MBD5: variants seen among roughly 807,000 people sequenced by gnomAD.
MBD5 encodes methyl-CpG binding domain protein 5, also known as methyl-CpG-binding domain protein 5.
In MBD5, 13 loss-of-function variants were observed where a neutral mutation model predicts 117.3. That is an observed-to-expected ratio of 0.11 (90% CI 0.07 to 0.18). The LOEUF is 0.18. Among genes scored for constraint, MBD5 ranks in the 10% least tolerant of loss-of-function variants. MBD5 has a pLI of 1.00. For synonymous variants in MBD5, 727 were observed against 766.4 expected, an observed-to-expected ratio of 0.95 and a Z score of 0.85; for missense variants, 1,879 against 2,093.8, an observed-to-expected ratio of 0.90 and a Z score of 2.00.
intron 3 of MBD5, among the ~76,000 whole-genome samples, chr2:148,255,440 CA>C (rs1700562936): frequency 6.6e-6 from 1 of 152,204 alleles, no homozygotes; most frequent in Non-Finnish European, 1.5e-5. Context: ...CAAGGAGTAA[CA>C]TGCAAGTCAT....
intron 1 of MBD5, among the ~76,000 whole-genome samples, chr2:148,023,415 C>T (rs1456974612): frequency 4.6e-5 from 7 of 151,892 alleles, no homozygotes; most frequent in East Asian, 1.9e-4. Context: ...ATTTACATAC[C>T]GAAATAAAAA....
At chr2:148,062,794 C>CT (rs1695075381) in intron 1 of MBD5, among the ~76,000 whole-genome samples, 1 of 151,228 alleles carries the variant, frequency 6.6e-6, no homozygotes, top group African/African-American at 2.4e-5. Flanking sequence ...ATTTACAACT[C>CT]TAAAAGTAAG....
chr2:148,355,034 A>G (rs566058075), intron 4 of MBD5, among the ~76,000 whole-genome samples: 2 of 141,844 alleles, frequency 1.4e-5, no homozygotes, highest in African/African-American at 5.2e-5. Context: ...GATGATGCGC[A>G]TTTTTTCATA....
chr2:148,410,489 G>A (rs1188977749), intron 4 of MBD5, among the ~76,000 whole-genome samples: 1 of 152,112 alleles, frequency 6.6e-6, no homozygotes, highest in Non-Finnish European at 1.5e-5. Context: ...GAGTGCAGTG[G>A]CGTGATGTCA....
intron 2 of MBD5, among the ~76,000 whole-genome samples, chr2:148,214,082 T>A (rs1031339225): frequency 6.6e-6 from 1 of 152,182 alleles, no homozygotes; most frequent in Non-Finnish European, 1.5e-5. Flanking sequence ...AATATTTAAA[T>A]AACTATGCAT....
At chr2:148,173,438 C>T (rs899206956) in intron 1 of MBD5, among the ~76,000 whole-genome samples, 1 of 152,202 alleles carries the variant, frequency 6.6e-6, no homozygotes, top group African/African-American at 2.4e-5. Context: ...GCTCACACAC[C>T]CGTTGCCACT....
chr2:148,506,137 T>A (rs747429473), intron 12 of MBD5, among the ~76,000 whole-genome samples: 8 of 152,232 alleles, frequency 5.3e-5, no homozygotes, highest in Non-Finnish European at 8.8e-5. Flanking sequence ...CTCAGTATCC[T>A]CAATCAAACT....
chr2:148,447,178 G>GGAAGAAA (rs1706570693), intron 4 of MBD5, among the ~76,000 whole-genome samples: 25 of 137,756 alleles, frequency 1.8e-4, no homozygotes, highest in African/African-American at 5.6e-4. Flanking sequence ...AAAGGAAGAA[G>GGAAGAAA]GAAAGAAAGA....
Position 148,149,886 on chromosome 2 carries a change from A to G in MBD5, c.-924-28814A>G, listed in dbSNP as rs1265293266. On this transcript the variant is annotated intron_variant, in intron 1 of 13. Coordinates refer to ENST00000642680, the MANE Select transcript of MBD5 (RefSeq NM_001378120.1). ...TTGCGAAAATTTTCTCCCATTTTGT[A>G]GGTTGCCTGTTCACTCTGATGGTAG... 3.4e-3 allele frequency among the ~76,000 whole-genome samples: 490 copies of G among 146,026 alleles called. 2 individuals are homozygous for G. The highest frequency in any genetic ancestry group is 5.8e-3 in the Non-Finnish European group (386 of 66,286).
At chr2:148,222,983 T>C (rs1057045522) in intron 2 of MBD5, among the ~76,000 whole-genome samples, 8 of 152,198 alleles carry the variant, frequency 5.3e-5, no homozygotes, top group African/African-American at 1.9e-4. Flanking sequence ...AAAGGGATGT[T>C]GAATTTTATC....
At chr2:148,144,652 A>C (rs1200056779) in intron 1 of MBD5, among the ~76,000 whole-genome samples, 1 of 152,220 alleles carries the variant, frequency 6.6e-6, no homozygotes, top group Non-Finnish European at 1.5e-5. Context: ...ATCCAGTTTC[A>C]GCTTTCTACA....
At position 148,469,199 on chromosome 2, in the gene MBD5, A is replaced by T; in HGVS notation, c.1256A>T (p.His419Leu). The change falls in exon 8 of 14, where the codon CAT becomes CTT. Residue 419 changes from histidine (H) to leucine (L), a missense_variant. His to Leu is a moderately conservative substitution (Grantham distance 99). Around this residue, in one of 4 missense-constraint regions of MBD5, gnomAD observed 1,666 missense variants for 1,792.2 expected, o/e 0.93. Coordinates refer to ENST00000642680, the MANE Select transcript of MBD5 (RefSeq NM_001378120.1). ...ACTGTAAAACCTGGTCACATGAATC[A>T]TGGGAGTCATGTACAAAGAGTTCAG... Reference protein sequence around the residue: ...LPTVKPGHMNHGSHVQRVQHS... With the variant: ...LPTVKPGHMNLGSHVQRVQHS... 6.2e-7 allele frequency: 1 copy of T among 1,614,052 alleles called. No individual in the cohort carries two copies. Among genetic ancestry groups the T allele is most frequent in the South Asian group, 1.1e-5 (1 of 91,084 alleles).
intron 4 of MBD5, among the ~76,000 whole-genome samples, chr2:148,445,555 G>C (rs1706474892): frequency 6.6e-6 from 1 of 151,282 alleles, no homozygotes; most frequent in Admixed American, 6.6e-5. Context: ...ATTTGGGTTT[G>C]TTCCAAGTCT....
intron 7 of MBD5, among the ~76,000 whole-genome samples, chr2:148,464,159 A>G (rs1246598519): frequency 1.3e-5 from 2 of 152,214 alleles, no homozygotes. Context: ...AACACTAATT[A>G]GTACATACAA....
At chr2:148,070,415 T>C (rs1695319061) in intron 1 of MBD5, among the ~76,000 whole-genome samples, 1 of 152,190 alleles carries the variant, frequency 6.6e-6, no homozygotes, top group South Asian at 2.1e-4. Flanking sequence ...TCCAAAAATA[T>C]TACAACCATT....
chr2:148,507,775 A>C (rs924980166), intron 12 of MBD5, among the ~76,000 whole-genome samples: 16 of 152,080 alleles, frequency 1.1e-4, no homozygotes, highest in African/African-American at 3.9e-4. Flanking sequence ...AAAAAAAAAA[A>C]AATTCTTGGC....
chr2:148,452,902 C>T (rs1043265280), intron 4 of MBD5, among the ~76,000 whole-genome samples: 2 of 152,152 alleles, frequency 1.3e-5, no homozygotes, highest in East Asian at 3.9e-4. Context: ...TCATTGGCTT[C>T]TTTTAAAAAC....
At chr2:148,264,209 G>T (rs562415570) in intron 3 of MBD5, 12 of 152,270 alleles carry the variant, frequency 7.9e-5, no homozygotes, top group African/African-American at 2.6e-4. Context: ...GCTCATACCT[G>T]TAATCCCATC....
intron 1 of MBD5, among the ~76,000 whole-genome samples, chr2:148,171,492 G>A (rs1698261993): frequency 6.6e-6 from 1 of 152,134 alleles, no homozygotes; most frequent in Non-Finnish European, 1.5e-5. Context: ...TAAAGACTAT[G>A]TATGACATTC....
Sources: allele counts gnomAD v4.1 joint callset (sites outside exome capture counted in the v4.1 genomes callset), GRCh38; gene constraint gnomAD v4.1.1; regional missense constraint gnomAD v4.1.1; transcripts MANE v1.5; gene names NCBI Gene and HGNC (gene_info 2026-07-23, HGNC 2026-07-21).